ZNF385B: variants seen among roughly 807,000 people sequenced by gnomAD.
ZNF385B encodes the protein zinc finger protein 385B.
ZNF385B carries 23 observed loss-of-function variants against 39.2 expected under a neutral mutation model. That is an observed-to-expected ratio of 0.59 (90% CI 0.42 to 0.83). The LOEUF is 0.83. Ranked by LOEUF, ZNF385B falls within the 40% of genes least tolerant of loss-of-function variation. The pLI, the probability that ZNF385B is intolerant of heterozygous loss-of-function variation, is 0.00. For synonymous variants in ZNF385B, 205 were observed against 222.6 expected, an observed-to-expected ratio of 0.92 and a Z score of 0.70; for missense variants, 552 against 598.9, an observed-to-expected ratio of 0.92 and a Z score of 0.82.
intron 1 of ZNF385B, among the ~76,000 whole-genome samples, chr2:179,857,370 G>A (rs1279515018): frequency 1.3e-5 from 2 of 152,192 alleles, no homozygotes; most frequent in Non-Finnish European, 2.9e-5. Flanking sequence ...GGAAGACACT[G>A]ACTCGTAGTC....
intron 1 of ZNF385B, among the ~76,000 whole-genome samples, chr2:179,848,080 C>G (rs943413576): frequency 6.6e-6 from 1 of 152,090 alleles, no homozygotes; most frequent in Non-Finnish European, 1.5e-5. Context: ...AGGAGCCAGC[C>G]TGGATGTAGA....
At chr2:179,822,429 G>A (rs905651414) in intron 1 of ZNF385B, among the ~76,000 whole-genome samples, 1 of 152,174 alleles carries the variant, frequency 6.6e-6, no homozygotes, top group Non-Finnish European at 1.5e-5. Context: ...TAATAATGAT[G>A]AAAATTATAA....
At chr2:179,593,731 CCATCCTTTAACT>C (rs1196888844) in intron 3 of ZNF385B, among the ~76,000 whole-genome samples, 23 of 152,154 alleles carry the variant, frequency 1.5e-4, no homozygotes, top group Non-Finnish European at 3.2e-4. Context: ...CTTATCTATA[CCATCCTTTAACT>C]CATCCAAGTT....
intron 1 of ZNF385B, among the ~76,000 whole-genome samples, chr2:179,811,122 T>C (rs1298939025): frequency 6.6e-6 from 1 of 152,046 alleles, no homozygotes; most frequent in East Asian, 1.9e-4. Flanking sequence ...AAGATTTTCA[T>C]AGTGATAACT....
At chr2:179,836,215 G>A (rs1708238003) in intron 1 of ZNF385B, among the ~76,000 whole-genome samples, 2 of 152,146 alleles carry the variant, frequency 1.3e-5, no homozygotes. Context: ...TCATGTTTAT[G>A]CATTTACTTA....
At chr2:179,675,036 A>C (rs1449721445) in intron 3 of ZNF385B, among the ~76,000 whole-genome samples, 1 of 152,228 alleles carries the variant, frequency 6.6e-6, no homozygotes, top group East Asian at 1.9e-4. Context: ...ACCCCCATGC[A>C]GTCAAAAATT....
At chr2:179,776,168 A>C (rs1238107438) in intron 1 of ZNF385B, among the ~76,000 whole-genome samples, 1 of 152,252 alleles carries the variant, frequency 6.6e-6, no homozygotes, top group Non-Finnish European at 1.5e-5. Flanking sequence ...AATTATCCTA[A>C]GAACTAAAGA....
At chr2:179,718,860 A>G (rs187264160) in intron 3 of ZNF385B, among the ~76,000 whole-genome samples, 1 of 151,188 alleles carries the variant, frequency 6.6e-6, no homozygotes, top group East Asian at 1.9e-4. Flanking sequence ...CCAAATTTCT[A>G]TTTTCATTTT....
intron 3 of ZNF385B, among the ~76,000 whole-genome samples, chr2:179,653,191 A>G (rs1693370312): frequency 6.6e-6 from 1 of 152,206 alleles, no homozygotes; most frequent in Admixed American, 6.5e-5. Flanking sequence ...GATGTCATAG[A>G]ACATCAGGAG....
chr2:179,661,119 T>C (rs923185808), intron 3 of ZNF385B, among the ~76,000 whole-genome samples: 2 of 152,102 alleles, frequency 1.3e-5, no homozygotes, highest in Admixed American at 1.3e-4. Flanking sequence ...GTTAAAAAGT[T>C]AAAAATAGGA....
intron 3 of ZNF385B, among the ~76,000 whole-genome samples, chr2:179,756,307 A>C (rs183167218): frequency 3.3e-3 from 496 of 152,260 alleles, no homozygotes; most frequent in Middle Eastern, 0.014. Context: ...AAATATTGGC[A>C]CCCACTCTCT....
chr2:179,513,670 T>G (rs985810553), intron 5 of ZNF385B, among the ~76,000 whole-genome samples: 4 of 152,248 alleles, frequency 2.6e-5, no homozygotes, highest in African/African-American at 9.6e-5. Context: ...GAGATGTTTA[T>G]ATCCTATCCT....
intron 3 of ZNF385B, among the ~76,000 whole-genome samples, chr2:179,641,835 A>G (rs1381099527): frequency 6.6e-6 from 1 of 152,150 alleles, no homozygotes; most frequent in Non-Finnish European, 1.5e-5. Context: ...AGAATGGACA[A>G]TGATCAGAGG....
At chr2:179,833,855 A>G (rs1708108709) in intron 1 of ZNF385B, among the ~76,000 whole-genome samples, 1 of 152,212 alleles carries the variant, frequency 6.6e-6, no homozygotes, top group Non-Finnish European at 1.5e-5. Context: ...TTGTGGACAT[A>G]GCGTATGACT....
chr2:179,609,999 C>T (rs751178102), intron 3 of ZNF385B, among the ~76,000 whole-genome samples: 6 of 152,112 alleles, frequency 3.9e-5, no homozygotes, highest in Admixed American at 6.6e-5. Context: ...TATTTTCTTC[C>T]ATTTTGTGGG....
chr2:179,756,348 C>T lies in ZNF385B; in HGVS notation c.298+13155G>A, dbSNP rs375693436. On this transcript the variant is annotated intron_variant, in intron 3 of 9. Transcript: ENST00000410066. ...CTTGTAGAGTTTCTGCCAAGAGATC[C>T]GCTGTTAGTCTGATGGGCTTCCTTT... 1.4e-4 allele frequency among the ~76,000 whole-genome samples: 21 copies of T among 152,296 alleles called. No homozygotes were observed. In the East Asian group the frequency reaches 1.5e-3, roughly 11 times the overall value.
At chr2:179,630,914 A>G (rs1457228565) in intron 3 of ZNF385B, among the ~76,000 whole-genome samples, 1 of 152,224 alleles carries the variant, frequency 6.6e-6, no homozygotes. Flanking sequence ...GGAAGAAAGG[A>G]TATCAGTGAT....
intron 5 of ZNF385B, among the ~76,000 whole-genome samples, chr2:179,512,787 C>A (rs566383588): frequency 1.3e-5 from 2 of 152,322 alleles, no homozygotes; most frequent in East Asian, 1.9e-4. Flanking sequence ...TATTCCTGGA[C>A]TGCAATGCCT....
At chr2:179,480,334 A>C (rs2053857823) in intron 6 of ZNF385B, among the ~76,000 whole-genome samples, 1 of 152,208 alleles carries the variant, frequency 6.6e-6, no homozygotes, top group African/African-American at 2.4e-5. Flanking sequence ...CATTTCAGTC[A>C]ATTATCACAG....
Sources: gnomAD v4.1 joint callset for allele counts (sites outside exome capture counted in the v4.1 genomes callset) on GRCh38, gnomAD v4.1.1 for gene constraint, MANE v1.5 for transcripts, NCBI Gene and HGNC (gene_info 2026-07-23, HGNC 2026-07-21) for gene names.